Variants in MPP7 observed in about 807,000 individuals in gnomAD.
The protein encoded by MPP7 is MAGUK p55 subfamily member 7.
MPP7 carries 60 observed loss-of-function variants against 76.5 expected under a neutral mutation model. That is an observed-to-expected ratio of 0.78 (90% CI 0.64 to 0.97). The LOEUF (loss-of-function observed/expected upper bound fraction) is 0.97, where lower values mean the gene tolerates loss of function less well. Ranked by LOEUF, MPP7 falls within the 50% of genes least tolerant of loss-of-function variation. The pLI is 0.00. For missense variants in MPP7, 641 were observed against 694.0 expected (o/e 0.92, Z 0.86); for synonymous variants, 237 against 244.5 (o/e 0.97, Z 0.29).
chr10:28,167,429 G>A (rs2985516), intron 3 of MPP7, among the ~76,000 whole-genome samples: 138,365 of 152,206 alleles, frequency 0.91, 62,948 homozygotes, highest in South Asian at 0.95. Flanking sequence ...CTGGGTACAC[G>A]GGGACATAAA....
chr10:28,223,824 T>A (rs1320683875), intron 2 of MPP7, among the ~76,000 whole-genome samples: 5 of 151,002 alleles, frequency 3.3e-5, no homozygotes, highest in African/African-American at 1.2e-4. Context: ...CATTCCAACA[T>A]CTCTTCCCAC....
intron 3 of MPP7, among the ~76,000 whole-genome samples, chr10:28,162,912 A>T (rs1308781299): frequency 6.6e-6 from 1 of 151,006 alleles, no homozygotes; most frequent in African/African-American, 2.4e-5. Context: ...CCATTTTTGA[A>T]TCTCCTTCCT....
chr10:28,121,043 C>T (rs1409256010), intron 8 of MPP7, among the ~76,000 whole-genome samples: 1 of 152,092 alleles, frequency 6.6e-6, no homozygotes, highest in Admixed American at 6.6e-5. Flanking sequence ...GGTGCAGTGG[C>T]TCGTGTCTGT....
intron 11 of MPP7, among the ~76,000 whole-genome samples, chr10:28,105,214 C>G (rs969954539): frequency 1.4e-5 from 2 of 145,052 alleles, no homozygotes; most frequent in Non-Finnish European, 3.0e-5. Flanking sequence ...GGCAGAAAGA[C>G]CTTAAGTTAT....
intron 2 of MPP7, among the ~76,000 whole-genome samples, chr10:28,314,327 G>A (rs940009781): frequency 6.6e-6 from 1 of 152,132 alleles, no homozygotes; most frequent in African/African-American, 2.4e-5. Context: ...GTCAAAACAG[G>A]CATTTGCCTC....
At chr10:28,313,423 T>A (rs1170877985) in intron 2 of MPP7, among the ~76,000 whole-genome samples, 1 of 152,014 alleles carries the variant, frequency 6.6e-6, no homozygotes, top group Non-Finnish European at 1.5e-5. Flanking sequence ...GGAGAATCTC[T>A]TGAACCTGGG....
At chr10:28,261,943 A>T (rs1190122623) in intron 1 of MPP7, among the ~76,000 whole-genome samples, 15 of 151,442 alleles carry the variant, frequency 9.9e-5, no homozygotes, top group Admixed American at 9.9e-4. Flanking sequence ...TGAGGTCAAG[A>T]GTTCAAGACC....
chr10:28,124,927 G>T, intron 7 of MPP7, 83 bp downstream of exon 7: 1 of 1,114,190 alleles, frequency 9.0e-7, no homozygotes, highest in Non-Finnish European at 1.4e-6. Context: ...ATCCAAAGAT[G>T]GTTATCCTCT....
At chr10:28,261,813 G>A (rs983141397) in intron 1 of MPP7, among the ~76,000 whole-genome samples, 17 of 152,142 alleles carry the variant, frequency 1.1e-4, no homozygotes, top group South Asian at 2.1e-4. Context: ...TTGGGAGGCC[G>A]AGGCAGGAGG....
At chr10:28,173,351 G>A (rs1034788663) in intron 3 of MPP7, among the ~76,000 whole-genome samples, 2 of 152,050 alleles carry the variant, frequency 1.3e-5, no homozygotes, top group African/African-American at 4.8e-5. Flanking sequence ...TGTACTTAGA[G>A]GTCCCAGACT....
At chr10:28,171,754 A>G (rs1836688724) in intron 3 of MPP7, among the ~76,000 whole-genome samples, 1 of 152,216 alleles carries the variant, frequency 6.6e-6, no homozygotes, top group South Asian at 2.1e-4. Flanking sequence ...AATGTGGATT[A>G]TGGTATCAAA....
intron 3 of MPP7, among the ~76,000 whole-genome samples, chr10:28,157,449 T>C (rs1738440893): frequency 1.3e-5 from 2 of 152,318 alleles, no homozygotes; most frequent in Admixed American, 6.5e-5. Flanking sequence ...TGTGACTGTA[T>C]GGAAAATGAC....
intron 6 of MPP7, among the ~76,000 whole-genome samples, chr10:28,127,405 T>C (rs1835051967): frequency 6.6e-6 from 1 of 152,218 alleles, no homozygotes; most frequent in Admixed American, 6.5e-5. Flanking sequence ...AGTTAGTCTG[T>C]TTTCATACTG....
chr10:28,131,435 A>G lies in MPP7; in HGVS notation c.447+125T>C, dbSNP rs78208417. 805 of 811,986 alleles carry G rather than the reference A, an allele frequency of 9.9e-4. 5 individuals carry two copies. In the African/African-American group the frequency reaches 0.011, roughly 12 times the overall value. 50.3% of individuals were successfully genotyped at this position (811,986 alleles called of 1,614,324 possible). On this transcript the variant is annotated intron_variant, in intron 6 of 16. Transcript: ENST00000683449. The stretch of plus-strand genomic sequence containing the variant: ...TTCAAAAGCATGTTCTTTAGACATC[A>G]ATGTTCCATTTCTTTTAAAGTTTAA...
intron 3 of MPP7, among the ~76,000 whole-genome samples, chr10:28,158,375 T>C (rs1441780527): frequency 6.6e-6 from 1 of 152,052 alleles, no homozygotes; most frequent in Non-Finnish European, 1.5e-5. Context: ...CATACATACA[T>C]AGGACTACAG....
At chr10:28,334,241 T>C (rs1047565339) in intron 1 of MPP7, among the ~76,000 whole-genome samples, 15 of 148,862 alleles carry the variant, frequency 1.0e-4, no homozygotes, top group African/African-American at 3.7e-4. Context: ...ATCAAGGAGG[T>C]GAGATGAAGG....
chr10:28,273,394 A>G (rs1318048963), intron 1 of MPP7, among the ~76,000 whole-genome samples: 1 of 152,214 alleles, frequency 6.6e-6, no homozygotes, highest in Non-Finnish European at 1.5e-5. Flanking sequence ...CACAGCCTAC[A>G]AAAGATTAAA....
rs375222576 is a variant in MPP7, at chr10:28,056,485, A to G, written c.1546T>C (p.Phe516Leu). Reference protein sequence around the residue: ...SRDDQGAAKPFTEEDFQEMIK... With the variant: ...SRDDQGAAKPLTEEDFQEMIK... ...CCAAGCATCATTATACTTACTGTGA[A>G]GGGTTTTGCAGCACCTTGGTCATCT... The change falls in exon 16 of 17, where the codon TTC becomes CTC. Residue 516 changes from phenylalanine (F) to leucine (L), a missense_variant. By Grantham distance (22) the Phe-to-Leu change is conservative (BLOSUM62 0). Transcript: ENST00000683449. 20 of 1,612,268 alleles carry G rather than the reference A, an allele frequency of 1.2e-5. No homozygotes were observed. The highest frequency in any genetic ancestry group is 1.7e-5 in the Non-Finnish European group (20 of 1,179,648).
intron 2 of MPP7, among the ~76,000 whole-genome samples, chr10:28,203,496 T>TAA (rs72465209): frequency 0.25 from 32,605 of 129,396 alleles, 4,421 homozygotes; most frequent in East Asian, 0.39. Flanking sequence ...AAACAGTCTT[T>TAA]AAAAAAAAAA....
Sources: allele counts gnomAD v4.1 joint callset (sites outside exome capture counted in the v4.1 genomes callset), GRCh38; gene constraint gnomAD v4.1.1; transcripts MANE v1.5; gene names NCBI Gene and HGNC (gene_info 2026-07-23, HGNC 2026-07-21).